Variants in ACTN2 observed in about 807,000 individuals in gnomAD.
The protein encoded by ACTN2 is actinin alpha 2, also known as alpha-actinin-2.
ACTN2 carries 39 observed loss-of-function variants against 113.8 expected under a neutral mutation model. That is an observed-to-expected ratio of 0.34 (90% CI 0.27 to 0.45). The LOEUF (loss-of-function observed/expected upper bound fraction) is 0.45. ACTN2 is among the 20% of genes least tolerant of loss of function. The pLI, the probability that ACTN2 is intolerant of heterozygous loss-of-function variation, is 1.00. For missense variants in ACTN2, 992 were observed against 1,177.9 expected (o/e 0.84, Z 2.31); for synonymous variants, 429 against 444.1 (o/e 0.97, Z 0.43).
intron 4 of ACTN2, among the ~76,000 whole-genome samples, chr1:236,722,164 T>A (rs2102899516): frequency 6.6e-6 from 1 of 152,276 alleles, no homozygotes; most frequent in Middle Eastern, 3.4e-3. Flanking sequence ...TTGTTTTAGT[T>A]TCATGGAGTA....
At position 236,725,999 on chromosome 1, in the gene ACTN2, A is replaced by G; in HGVS notation, c.515A>G (p.Asn172Ser). The G allele has an allele frequency of 6.2e-7, 1 of 1,614,150 alleles. No individual in the cohort carries two copies. Among genetic ancestry groups the G allele is most frequent in the Non-Finnish European group, 8.5e-7 (1 of 1,180,000 alleles). ...QRKTAPYRNV[N>S]IQNFHTSWKD... is the part of the protein sequence containing the mutation. ...AAAACTGCTCCTTATAGAAATGTGA[A>G]CATTCAGAACTTCCATACTAGGTGA... Residue 172 changes from asparagine (N) to serine (S), a missense_variant, in exon 5 of 21, where the codon AAC becomes AGC. Asn to Ser is a conservative substitution (Grantham distance 46). Coordinates refer to ENST00000366578, the MANE Select transcript of ACTN2 (RefSeq NM_001103.4).
intron 1 of ACTN2, among the ~76,000 whole-genome samples, chr1:236,692,038 T>C (rs145471390): frequency 9.0e-4 from 137 of 152,356 alleles, no homozygotes; most frequent in African/African-American, 3.2e-3. Context: ...AGACCCATGC[T>C]TACAGAACTA....
At chr1:236,708,073 T>A (rs1657888887) in intron 1 of ACTN2, among the ~76,000 whole-genome samples, 2 of 152,002 alleles carry the variant, frequency 1.3e-5, no homozygotes, top group African/African-American at 4.8e-5. Flanking sequence ...TTGTCCACAC[T>A]AGACACTAAG....
At chr1:236,746,864 C>CT (rs1055313780) in intron 12 of ACTN2, among the ~76,000 whole-genome samples, 5 of 152,304 alleles carry the variant, frequency 3.3e-5, no homozygotes, top group East Asian at 1.9e-4. Flanking sequence ...CTTTCTGTCT[C>CT]TAAGTGGAAG....
At chr1:236,743,264 A>G (rs1465511032) in intron 11 of ACTN2, among the ~76,000 whole-genome samples, 1 of 152,156 alleles carries the variant, frequency 6.6e-6, no homozygotes, top group Non-Finnish European at 1.5e-5. Flanking sequence ...CCAAAATGGC[A>G]CCCAAAATGT....
intron 9 of ACTN2, 97 bp downstream of exon 9, chr1:236,737,311 A>ATG (rs1558240242): frequency 3.3e-6 from 1 of 302,464 alleles, no homozygotes; most frequent in East Asian, 5.8e-5. Flanking sequence ...ATATATATAT[A>ATG]TATATATTTT....
At chr1:236,735,501 C>T (rs1267638276) in intron 7 of ACTN2, 134 bp from the exon 8 acceptor site, 14 of 785,530 alleles carry the variant, frequency 1.8e-5, no homozygotes, top group African/African-American at 3.4e-5. Flanking sequence ...GGACCACGGG[C>T]CCATGAAACA....
At chr1:236,750,405 C>T (rs2385498) in intron 14 of ACTN2, among the ~76,000 whole-genome samples, 5,485 of 152,170 alleles carry the variant, frequency 0.036, 316 homozygotes, top group African/African-American at 0.12. Context: ...GTGTTTCCTG[C>T]GTGCACTCTT....
rs1283131697 is a variant in ACTN2, at chr1:236,762,375, A to G, written c.2527-86A>G. The G allele has an allele frequency of 7.7e-6, 12 of 1,561,008 alleles. No individual in the cohort carries two copies. The Admixed American group carries it at 1.8e-4, about 24-fold the overall frequency. On this transcript the variant is annotated intron_variant, in intron 20 of 20. Coordinates refer to ENST00000366578, the MANE Select transcript of ACTN2 (RefSeq NM_001103.4). ...CTTTAGTCCTTTTAAAAAATTAAAC[A>G]GATGCAAGAAATATGTAAGTATTAA...
chr1:236,739,638 T>A, intron 10 of ACTN2, 106 bp downstream of exon 10: 1 of 1,333,106 alleles, frequency 7.5e-7, no homozygotes, highest in Non-Finnish European at 1.1e-6. Context: ...TGAATCTTTT[T>A]AGTTGTGTGA....
chr1:236,755,113 A>G lies in ACTN2; in HGVS notation c.2069A>G (p.Asn690Ser), dbSNP rs552938924. 1.5e-5 allele frequency: 24 copies of G among 1,614,120 alleles called. No individual in the cohort carries two copies. The highest frequency in any genetic ancestry group is 3.3e-4 in the Middle Eastern group (2 of 6,062). ...QYEHNIINYK[N>S]NIDKLEGDHQ... ...GAGCACAACATCATCAACTATAAGA[A>G]CAACATCGACAAGCTGGAGGGAGAC... The change falls in exon 17 of 21, where the codon AAC becomes AGC. Residue 690 changes from asparagine to serine, a missense_variant. Physicochemically the swap from Asn to Ser is conservative, Grantham distance 46. Transcript: ENST00000366578.
At chr1:236,738,654 A>G (rs1658966562) in intron 9 of ACTN2, among the ~76,000 whole-genome samples, 1 of 152,244 alleles carries the variant, frequency 6.6e-6, no homozygotes, top group South Asian at 2.1e-4. Context: ...CTCAGTAGGC[A>G]TAAGTGTAAA....
intron 4 of ACTN2, among the ~76,000 whole-genome samples, chr1:236,721,015 G>GGGTTTTTTTTTTTT: frequency 1.6e-4 from 8 of 49,138 alleles, no homozygotes; most frequent in Admixed American, 3.4e-4. Context: ...TCTGGTTTTT[G>GGGTTTTTTTTTTTT]TTTTTTGTTT....
At position 236,743,025 on chromosome 1, in the gene ACTN2, C is replaced by G. The variant is rs1659120472; in HGVS notation, c.1237C>G (p.His413Asp). The G allele has an allele frequency of 6.2e-7, 1 of 1,614,016 alleles. No individual in the cohort carries two copies. Among genetic ancestry groups the G allele is most frequent in the African/African-American group, 1.3e-5 (1 of 74,902 alleles). Residue 413 changes from histidine (H) to aspartate (D), a missense_variant, in exon 11 of 21, where the codon CAC becomes GAC. Physicochemically the swap from His to Asp is moderately conservative, Grantham distance 81 (BLOSUM62 -1). Around this residue, in one of 3 missense-constraint regions of ACTN2, gnomAD observed 736 missense variants for 815.4 expected, o/e 0.90. Coordinates refer to ENST00000366578, the MANE Select transcript of ACTN2 (RefSeq NM_001103.4). ...AEKFRQKAST[H>D]ETWAYGKEQI... ...GAAGTTCAGGCAGAAGGCCTCAACG[C>G]ACGAGACTTGGGCTTATGGTAAGTA...
At chr1:236,737,319 T>TA in intron 9 of ACTN2, 105 bp downstream of exon 9, 1 of 130,368 alleles carries the variant, frequency 7.7e-6, no homozygotes, top group East Asian at 1.0e-4. Flanking sequence ...ATATATATAT[T>TA]TTGCATTTTT....
chr1:236,732,012 A>G (rs2102911960), intron 7 of ACTN2, among the ~76,000 whole-genome samples: 1 of 152,284 alleles, frequency 6.6e-6, no homozygotes, highest in South Asian at 2.1e-4. Context: ...TTCATGATTT[A>G]TGCCCTCAAG....
intron 15 of ACTN2, 33 bp downstream of exon 15, chr1:236,751,685 G>C (rs558824884): frequency 1.2e-6 from 2 of 1,613,066 alleles, no homozygotes; most frequent in South Asian, 2.2e-5. Context: ...TGGGACCAGG[G>C]GGCATTCTTG....
rs1025884886 is a variant in ACTN2 at position 236,705,679 on chromosome 1, T to G, written c.127-12179T>G. On this transcript the variant is annotated intron_variant, in intron 1 of 20. Coordinates refer to ENST00000366578, the MANE Select transcript of ACTN2 (RefSeq NM_001103.4). Reference sequence around the variant, plus strand: ...TCCCGTTGGAGCATAGATTTTTCCCTGTATAAAGTTGCCTTATCAGGCATT... The same window carrying G: ...TCCCGTTGGAGCATAGATTTTTCCCGGTATAAAGTTGCCTTATCAGGCATT... Among the ~76,000 whole-genome samples, 7 of 152,268 alleles carry G rather than the reference T, an allele frequency of 4.6e-5. No individual in the cohort carries two copies. In the East Asian group the frequency reaches 7.7e-4, roughly 17 times the overall value.
At chr1:236,688,868 G>A (rs952171864) in intron 1 of ACTN2, among the ~76,000 whole-genome samples, 2 of 152,116 alleles carry the variant, frequency 1.3e-5, no homozygotes, top group African/African-American at 4.8e-5. Context: ...TTCTATTGTG[G>A]GCTGCCTTCT....
Sources: gnomAD v4.1 joint callset for allele counts (sites outside exome capture counted in the v4.1 genomes callset) on GRCh38, gnomAD v4.1.1 for gene constraint, gnomAD v4.1.1 regional missense constraint, MANE v1.5 for transcripts, NCBI Gene and HGNC (gene_info 2026-07-23, HGNC 2026-07-21) for gene names.